The following TFAP2B variants were observed in gnomAD, a reference collection of about 807,000 sequenced individuals.
The protein encoded by TFAP2B is transcription factor AP-2 beta.
A neutral mutation model predicts 44.3 loss-of-function variants in TFAP2B; 9 were observed. The ratio of observed to expected loss-of-function variants is 0.20; its 90% CI spans 0.12 to 0.35. The LOEUF (loss-of-function observed/expected upper bound fraction) is 0.35. Ranked by LOEUF, TFAP2B falls within the 10% of genes least tolerant of loss-of-function variation. The probability of loss-of-function intolerance (pLI) is 1.00; values close to 1 mark genes in which losing one functional copy is unlikely to be tolerated. For synonymous variants in TFAP2B, 270 were observed against 263.8 expected (o/e 1.02, Z -0.23); for missense variants, 509 against 600.0 (o/e 0.85, Z 1.59).
At chr6:50,821,634 G>A (rs1371038640) in intron 1 of TFAP2B, among the ~76,000 whole-genome samples, 2 of 152,072 alleles carry the variant, frequency 1.3e-5, no homozygotes, top group African/African-American at 4.8e-5. Flanking sequence ...GCCTTTGCCA[G>A]CCCCCTCGTC....
chr6:50,835,308 G>A (rs559997274), intron 3 of TFAP2B, among the ~76,000 whole-genome samples: 11 of 152,364 alleles, frequency 7.2e-5, no homozygotes, highest in Middle Eastern at 3.4e-3. Flanking sequence ...ACAATCACTA[G>A]CCGGTGCTTT....
chr6:50,824,226 C>A (rs1770441792), intron 2 of TFAP2B, among the ~76,000 whole-genome samples: 1 of 152,224 alleles, frequency 6.6e-6, no homozygotes, highest in African/African-American at 2.4e-5. Flanking sequence ...CAGCTTGGTA[C>A]CCCTTCTTTA....
intron 6 of TFAP2B, among the ~76,000 whole-genome samples, chr6:50,842,379 C>A (rs1762749942): frequency 1.3e-5 from 2 of 152,226 alleles, no homozygotes; most frequent in Non-Finnish European, 2.9e-5. Context: ...TCTATCCTCC[C>A]TAGTGTCTTA....
chr6:50,842,963 C>A (rs1561967291), intron 6 of TFAP2B, 129 bp from the exon 7 acceptor site: 10 of 1,261,224 alleles, frequency 7.9e-6, no homozygotes, highest in East Asian at 4.6e-5. Flanking sequence ...GGAAACAGAG[C>A]GGAATCGCCC....
chr6:50,842,261 T>G (rs749497758), intron 6 of TFAP2B, among the ~76,000 whole-genome samples: 6 of 152,184 alleles, frequency 3.9e-5, no homozygotes, highest in Admixed American at 1.3e-4. Flanking sequence ...ATATTAAAAT[T>G]TCTCAAATAA....
intron 2 of TFAP2B, among the ~76,000 whole-genome samples, chr6:50,825,646 A>G (rs915996978): frequency 6.6e-6 from 1 of 152,208 alleles, no homozygotes. Flanking sequence ...AGCGTCGGAA[A>G]GGATTTAGTG....
chr6:50,841,415 T>C (rs964721202), intron 6 of TFAP2B, among the ~76,000 whole-genome samples: 14 of 151,740 alleles, frequency 9.2e-5, no homozygotes, highest in Non-Finnish European at 1.6e-4. Context: ...TGCGCTGGTG[T>C]CTGGTGAGGC....
At chr6:50,822,147 C>G (rs1162270183) in intron 1 of TFAP2B, 1 of 1,303,876 alleles carries the variant, frequency 7.7e-7, no homozygotes, top group South Asian at 1.2e-5. Flanking sequence ...TTAGTCCACA[C>G]CTATTCATCC....
chr6:50,843,524 AT>A lies in TFAP2B; in HGVS notation c.*136del, dbSNP rs140657288. The A allele has an allele frequency of 0.2, 168,587 of 846,468 alleles. 10,989 individuals are homozygous for A. Among genetic ancestry groups the A allele is most frequent in the Admixed American group, 0.3 (8,955 of 29,494 alleles). 52.4% of individuals were successfully genotyped at this position (846,468 alleles called of 1,614,324 possible). A position where few individuals can be genotyped will look rare whatever the true frequency, so the allele number is the denominator to read the frequency against. ...TAGGTAGAATACACATACAATCAAA[AT>A]TTTAAAAAAAAAAGCTAAATAACTT... is the stretch of plus-strand genomic sequence containing the variant. On this transcript the variant is annotated 3_prime_UTR_variant, in exon 7 of 7. Transcript: ENST00000393655.
chr6:50,840,361 G>A lies in TFAP2B; in HGVS notation c.1082+64G>A, dbSNP rs1403045173. ...GCTGGCTAGGCCACCCGACTTTGGA[G>A]TAGGTGGTGGGGAGGGGCAGAGAAA... On this transcript the variant is annotated intron_variant, in intron 6 of 6. Transcript: ENST00000393655. The A allele has an allele frequency of 1.9e-6, 3 of 1,595,994 alleles. No homozygotes were observed. In the Admixed American group the frequency reaches 5.0e-5, roughly 27 times the overall value.
intron 6 of TFAP2B, among the ~76,000 whole-genome samples, chr6:50,840,943 G>A (rs1373332853): frequency 6.6e-6 from 1 of 152,222 alleles, no homozygotes; most frequent in Non-Finnish European, 1.5e-5. Flanking sequence ...GCGGCGCTGC[G>A]TGCGCCCGCA....
chr6:50,824,944 A>G (rs1770462260), intron 2 of TFAP2B, among the ~76,000 whole-genome samples: 1 of 152,236 alleles, frequency 6.6e-6, no homozygotes, highest in African/African-American at 2.4e-5. Context: ...GCATAGTTGT[A>G]TTTATTATGC....
rs1424080457 is a variant in TFAP2B, at chr6:50,823,407, G to A, written c.82G>A (p.Asp28Asn). The A allele has an allele frequency of 6.3e-7, 1 of 1,586,600 alleles. No homozygotes were observed. Among genetic ancestry groups the A allele is most frequent in the Admixed American group, 1.8e-5 (1 of 56,082 alleles). ...TTCCCCTTCCTCTCTCCGCTCCCAG[G>A]ACCGGCACGATGGTGTCCCGAGCCA... is the stretch of plus-strand genomic sequence containing the variant. ...ENVKYEDIYE[D>N]RHDGVPSHSS... Residue 28 changes from aspartate to asparagine, a missense_variant and splice_region_variant, in exon 2 of 7, where the codon GAC becomes AAC. Asp to Asn is a conservative substitution (Grantham distance 23, BLOSUM62 1). This residue lies in a region of TFAP2B where 296 missense variants were observed against 308.2 expected (regional missense o/e 0.96). Coordinates refer to ENST00000393655, the MANE Select transcript of TFAP2B (RefSeq NM_003221.4).
chr6:50,824,243 C>A (rs1770442422), intron 2 of TFAP2B, among the ~76,000 whole-genome samples: 1 of 152,246 alleles, frequency 6.6e-6, no homozygotes, highest in Non-Finnish European at 1.5e-5. Context: ...TTTACCAACA[C>A]ACACACCCCA....
At chr6:50,835,610 C>G (rs543051247) in intron 3 of TFAP2B, among the ~76,000 whole-genome samples, 3 of 152,194 alleles carry the variant, frequency 2.0e-5, no homozygotes, top group African/African-American at 7.2e-5. Context: ...TTTATATCAC[C>G]GCATGGTGAT....
intron 1 of TFAP2B, among the ~76,000 whole-genome samples, chr6:50,820,391 GCC>G (rs3839386): frequency 3.3e-5 from 5 of 151,390 alleles, no homozygotes; most frequent in South Asian, 2.1e-4. Context: ...CACACCTCCT[GCC>G]CCCCCCCGAA....
chr6:50,826,544 T>A (rs982300641), intron 2 of TFAP2B, among the ~76,000 whole-genome samples: 3 of 151,632 alleles, frequency 2.0e-5, no homozygotes, highest in Admixed American at 6.6e-5. Flanking sequence ...CTGGGTATGC[T>A]ACATTTCACC....
intron 6 of TFAP2B, among the ~76,000 whole-genome samples, chr6:50,840,837 C>T (rs910264084): frequency 3.3e-5 from 5 of 152,216 alleles, no homozygotes; most frequent in Non-Finnish European, 5.9e-5. Flanking sequence ...CTCATTTGAA[C>T]TTTTACAGTG....
At chr6:50,821,110 T>C (rs1770331801) in intron 1 of TFAP2B, among the ~76,000 whole-genome samples, 1 of 152,134 alleles carries the variant, frequency 6.6e-6, no homozygotes, top group Non-Finnish European at 1.5e-5. Context: ...GTTGAACGGG[T>C]TCCTGAAACA....
Sources: gnomAD v4.1 joint callset for allele counts (sites outside exome capture counted in the v4.1 genomes callset) on GRCh38, gnomAD v4.1.1 for gene constraint, gnomAD v4.1.1 regional missense constraint, MANE v1.5 for transcripts, NCBI Gene and HGNC (gene_info 2026-07-23, HGNC 2026-07-21) for gene names.